The following AATK variants were observed in gnomAD, a reference collection of about 807,000 sequenced individuals.
The protein encoded by AATK is serine/threonine-protein kinase LMTK1.
Under a neutral mutation model 114.3 loss-of-function variants are expected in AATK, and 91 were observed. The ratio of observed to expected loss-of-function variants is 0.80; its 90% CI spans 0.67 to 0.95. The LOEUF (loss-of-function observed/expected upper bound fraction) is 0.95, where lower values mean the gene tolerates loss of function less well. Ranked by LOEUF, AATK falls within the 40% of genes least tolerant of loss-of-function variation. AATK has a pLI of 0.00. For synonymous variants in AATK, 1,075 were observed against 916.5 expected (o/e 1.17, Z -3.12); for missense variants, 2,176 against 1,965.2 (o/e 1.11, Z -2.03).
At position 81,122,232 on chromosome 17, in the gene AATK, G is replaced by A. The variant is rs559177880; in HGVS notation, c.1704C>T (p.Thr568=). The change falls in exon 11 of 14, where the codon ACC becomes ACT. Residue 568 remains threonine, a synonymous_variant. Coordinates refer to ENST00000326724, the MANE Select transcript of AATK (RefSeq NM_001080395.3). ...ADQDDDSDGS[T]AASLAMEPLL... is the part of the protein sequence containing the mutation. ...GCGGCTCCATGGCCAGCGAGGCGGC[G>A]GTGCTGCCGTCAGAGTCGTCGTCCT... 28 of 1,492,282 alleles carry A rather than the reference G, an allele frequency of 1.9e-5. No homozygotes were observed. The South Asian group carries it at 2.0e-4, about 11-fold the overall frequency. 92.4% of individuals were successfully genotyped at this position (1,492,282 alleles called of 1,614,324 possible).
Position 81,122,409 on chromosome 17 carries a change from G to A in AATK, c.1527C>T (p.Asp509=), listed in dbSNP as rs997465637. Residue 509 remains aspartate (D), a synonymous_variant, in exon 11 of 14, where the codon GAC becomes GAT. Transcript: ENST00000326724. ...CCGGAACCACGCCCGGGGGCGCGCC[G>A]TCGGGGGCGCACAGCTCCTGCAGGC... ...TARLQELCAP[D]GAPPGVVPVL... The A allele has an allele frequency of 4.0e-5, 58 of 1,465,880 alleles. No individual in the cohort carries two copies. In the African/African-American group the frequency reaches 4.0e-4, roughly 10 times the overall value. 90.8% of individuals were successfully genotyped at this position (1,465,880 alleles called of 1,614,324 possible).
intron 1 of AATK, among the ~76,000 whole-genome samples, chr17:81,155,353 A>G (rs2061347591): frequency 6.6e-6 from 1 of 151,760 alleles, no homozygotes; most frequent in Admixed American, 6.6e-5. Context: ...ACGGCTTCAT[A>G]TGTCTCCCTT....
At chr17:81,162,173 G>A (rs1025096072) in intron 1 of AATK, among the ~76,000 whole-genome samples, 1 of 151,978 alleles carries the variant, frequency 6.6e-6, no homozygotes, top group Non-Finnish European at 1.5e-5. Flanking sequence ...CACGGCCTGC[G>A]TGTGACCGCT....
chr17:81,139,033 C>T (rs986823857), intron 1 of AATK, among the ~76,000 whole-genome samples: 1 of 152,212 alleles, frequency 6.6e-6, no homozygotes, highest in South Asian at 2.1e-4. Flanking sequence ...CGTGTGCACA[C>T]CCACAGGCAC....
chr17:81,121,773 C>T lies in AATK; in HGVS notation c.2163G>A (p.Pro721=), dbSNP rs1049587752. 3.9e-6 allele frequency: 6 copies of T among 1,538,326 alleles called. No homozygotes were observed. The highest frequency in any genetic ancestry group is 2.3e-5 in the East Asian group (1 of 42,572). Residue 721 remains proline (P), a synonymous_variant, in exon 11 of 14, where the codon CCG becomes CCA. Transcript: ENST00000326724. ...PKQTPRASPE[P]GYPGEPLLGL... is the part of the protein sequence containing the mutation. Reference sequence around the variant, plus strand: ...CAAGCAGAGGCTCTCCAGGGTACCCCGGCTCGGGGGAGGCCCGTGGGGTCT... The same window carrying T: ...CAAGCAGAGGCTCTCCAGGGTACCCTGGCTCGGGGGAGGCCCGTGGGGTCT...
chr17:81,162,713 A>C (rs1231556783), intron 1 of AATK, among the ~76,000 whole-genome samples: 1 of 152,152 alleles, frequency 6.6e-6, no homozygotes, highest in Non-Finnish European at 1.5e-5. Flanking sequence ...TAGAGCGAGC[A>C]CCGTGGCCAG....
intron 3 of AATK, among the ~76,000 whole-genome samples, chr17:81,130,795 G>A (rs958953979): frequency 9.9e-5 from 15 of 152,178 alleles, no homozygotes; most frequent in African/African-American, 3.6e-4. Context: ...GAGGCTGGAG[G>A]CCGAGGGCTG....
rs56384363 is a variant in AATK at position 81,128,527 on chromosome 17, G to A, written c.357C>T (p.Asp119=). Residue 119 remains aspartate, a synonymous_variant, in exon 4 of 14, where the codon GAC becomes GAT. Coordinates refer to ENST00000326724, the MANE Select transcript of AATK (RefSeq NM_001080395.3). The part of the protein sequence containing the change: ...GRSVQLLKST[D]VGRHSLLYLK... Reference sequence around the variant, plus strand: ...GGTACAGGAGGCTGTGCCGGCCCACGTCTGTGGACTTGAGGAGCTGCACTG... The same window carrying A: ...GGTACAGGAGGCTGTGCCGGCCCACATCTGTGGACTTGAGGAGCTGCACTG... The A allele has an allele frequency of 7.4e-3, 11,489 of 1,549,264 alleles. 63 individuals are homozygous for A. Among genetic ancestry groups the A allele is most frequent in the Non-Finnish European group, 8.8e-3 (10,125 of 1,146,888 alleles).
intron 3 of AATK, among the ~76,000 whole-genome samples, chr17:81,130,058 G>A (rs2060905635): frequency 6.6e-6 from 1 of 152,210 alleles, no homozygotes; most frequent in South Asian, 2.1e-4. Context: ...AGGCTCTCAG[G>A]GCCCAGCCAG....
At chr17:81,123,680 G>T (rs565965426) in intron 9 of AATK, among the ~76,000 whole-genome samples, 1 of 151,840 alleles carries the variant, frequency 6.6e-6, no homozygotes, top group South Asian at 2.1e-4. Flanking sequence ...GCTGGAGGGC[G>T]GGCGTGGAGC....
chr17:81,122,010 T>C lies in AATK; in HGVS notation c.1926A>G (p.Pro642=). Residue 642 remains proline, a synonymous_variant, in exon 11 of 14, where the codon CCA becomes CCG. Transcript: ENST00000326724. ...AGCTCCCCAAAGGGGACGTGCCCAG[T>C]GGGTCCTCGAAGAAGGCAGGACAGA... The part of the protein sequence containing the change: ...AAFCPAFFED[P]LGTSPLGSSG... The C allele has an allele frequency of 6.2e-7, 1 of 1,601,326 alleles. No homozygotes were observed. Among genetic ancestry groups the C allele is most frequent in the Non-Finnish European group, 8.5e-7 (1 of 1,179,188 alleles).
rs375081520 is a variant in AATK at position 81,121,484 on chromosome 17, C to T, written c.2452G>A (p.Asp818Asn). ...PLPSEEASAP[D>N]APDALPDSPT... ...GAGTCAGGCAGGGCATCAGGGGCGTCGGGGGCACTGGCCTCCTCCGAGGGA... is the reference window on the plus strand; with the variant it reads ...GAGTCAGGCAGGGCATCAGGGGCGTTGGGGGCACTGGCCTCCTCCGAGGGA... Residue 818 changes from aspartate to asparagine, a missense_variant, in exon 11 of 14, where the codon GAC becomes AAC. Asp to Asn is a conservative substitution (Grantham distance 23). Around this residue, in one of 4 missense-constraint regions of AATK, gnomAD observed 1,701 missense variants for 1,394.7 expected, o/e 1.22. Coordinates refer to ENST00000326724, the MANE Select transcript of AATK (RefSeq NM_001080395.3). 31 of 1,567,902 alleles carry T rather than the reference C, an allele frequency of 2.0e-5. No individual in the cohort carries two copies. The highest frequency in any genetic ancestry group is 9.4e-5 in the African/African-American group (7 of 74,216).
In AATK at chr17:81,121,175, T is replaced by C. The variant is rs1237055703; in HGVS notation, c.2761A>G (p.Ser921Gly). 1 of 1,602,834 alleles carries C rather than the reference T, an allele frequency of 6.2e-7. No homozygotes were observed. Among genetic ancestry groups the C allele is most frequent in the South Asian group, 1.1e-5 (1 of 89,286 alleles). Reference sequence around the variant, plus strand: ...CCAGAGGGGCCAGTGGCCGACGGGCTGAAGACCTCATAGCCACCATCACTG... The same window carrying C: ...CCAGAGGGGCCAGTGGCCGACGGGCCGAAGACCTCATAGCCACCATCACTG... ...SASDGGYEVF[S>G]PSATGPSGGQ... is the part of the protein sequence containing the mutation. The change falls in exon 11 of 14, where the codon AGC becomes GGC. Residue 921 changes from serine (S) to glycine (G), a missense_variant. Ser to Gly is a moderately conservative substitution (Grantham distance 56). Coordinates refer to ENST00000326724, the MANE Select transcript of AATK (RefSeq NM_001080395.3).
chr17:81,120,514 G>T lies in AATK; in HGVS notation c.3422C>A (p.Ala1141Asp). Residue 1141 changes from alanine to aspartate, a missense_variant, in exon 11 of 14, where the codon GCC (alanine) becomes GAC (aspartate). Physicochemically the swap from Ala to Asp is moderately radical, Grantham distance 126. This residue lies in a region of AATK where 1,701 missense variants were observed against 1,394.7 expected (regional missense o/e 1.22). Coordinates refer to ENST00000326724, the MANE Select transcript of AATK (RefSeq NM_001080395.3). Reference sequence around the variant, plus strand: ...GCCGGGCAGAGCCAGGCGGAGTGGGGCTCTGGGGGTGCCTGGGCCCCCCAT... The same window carrying T: ...GCCGGGCAGAGCCAGGCGGAGTGGGTCTCTGGGGGTGCCTGGGCCCCCCAT... ...KRMGGPGTPR[A>D]PLRLALPGLP... The T allele has an allele frequency of 6.7e-7, 1 of 1,486,422 alleles. No homozygotes were observed. The highest frequency in any genetic ancestry group is 2.5e-5 in the East Asian group (1 of 40,720). 92.1% of individuals were successfully genotyped at this position (1,486,422 alleles called of 1,614,324 possible). A position where few individuals can be genotyped will look rare whatever the true frequency, so the allele number is the denominator to read the frequency against.
intron 7 of AATK, 54 bp from the exon 8 acceptor site, chr17:81,125,068 C>T (rs912415024): frequency 2.6e-5 from 24 of 938,706 alleles, no homozygotes; most frequent in Middle Eastern, 3.6e-4. Flanking sequence ...CAGGGTGTGC[C>T]GGGTGGGGGC....
intron 3 of AATK, among the ~76,000 whole-genome samples, chr17:81,129,639 T>C (rs1353233030): frequency 6.6e-6 from 1 of 152,128 alleles, no homozygotes. Context: ...GTGCCTTCTT[T>C]CGGGCTCCTG....
In AATK at chr17:81,153,093, C is replaced by T. The variant is rs150466677; in HGVS notation, c.55+12845G>A. Among the ~76,000 whole-genome samples, 397 of 152,298 alleles carry T rather than the reference C, an allele frequency of 2.6e-3. 2 individuals carry two copies. Among genetic ancestry groups the T allele is most frequent in the African/African-American group, 8.7e-3 (363 of 41,554 alleles). ...CCGACCTCAGGTGATCCGCCTGCCT[C>T]GGCCTCCCAAAGTGCTGGGATTATA... On this transcript the variant is annotated intron_variant, in intron 1 of 13. Transcript: ENST00000326724.
At chr17:81,161,991 G>A (rs774157998) in intron 1 of AATK, among the ~76,000 whole-genome samples, 9 of 152,172 alleles carry the variant, frequency 5.9e-5, no homozygotes, top group African/African-American at 1.9e-4. Flanking sequence ...GGAGGGAAGC[G>A]CACAGCCTGG....
At position 81,122,613 on chromosome 17, in the gene AATK, G is replaced by A. The variant is rs1185640986; in HGVS notation, c.1323C>T (p.Leu441=). The A allele has an allele frequency of 1.3e-5, 18 of 1,422,862 alleles. No individual in the cohort carries two copies. Among genetic ancestry groups the A allele is most frequent in the Non-Finnish European group, 1.6e-5 (17 of 1,077,882 alleles). 88.1% of individuals were successfully genotyped at this position (1,422,862 alleles called of 1,614,324 possible). Residue 441 remains leucine (L), a synonymous_variant, in exon 11 of 14, where the codon CTC becomes CTT. Transcript: ENST00000326724. ...AGPMLGGVVE[L]AAASSFPLLE... ...GCAGCGGGAAGGACGAGGCAGCGGC[G>A]AGCTCCACCACGCCGCCCAGCATGG...
Sources: gnomAD v4.1 joint callset for allele counts (sites outside exome capture counted in the v4.1 genomes callset) on GRCh38, gnomAD v4.1.1 for gene constraint, gnomAD v4.1.1 regional missense constraint, MANE v1.5 for transcripts, NCBI Gene and HGNC (gene_info 2026-07-23, HGNC 2026-07-21) for gene names.